The following IFT52 variants were observed in gnomAD, a reference collection of about 807,000 sequenced individuals.
The protein encoded by IFT52 is intraflagellar transport protein 52 homolog.
IFT52 carries 44 observed loss-of-function variants against 54.4 expected under a neutral mutation model. The ratio of observed to expected loss-of-function variants is 0.81; its 90% CI spans 0.63 to 1.04. IFT52 has a LOEUF of 1.04. IFT52 is among the 50% of genes least tolerant of loss of function. The pLI, the probability that IFT52 is intolerant of heterozygous loss-of-function variation, is 0.00. For synonymous variants in IFT52, 181 were observed against 185.3 expected, an observed-to-expected ratio of 0.98 and a Z score of 0.19; for missense variants, 452 against 523.6, an observed-to-expected ratio of 0.86 and a Z score of 1.33.
At chr20:43,599,029 C>T (rs1235437670) in intron 3 of IFT52, among the ~76,000 whole-genome samples, 1 of 152,038 alleles carries the variant, frequency 6.6e-6, no homozygotes, top group African/African-American at 2.4e-5. Context: ...TGACCTTCCC[C>T]CGCTGGGAAT....
chr20:43,604,796 T>C (rs1256280576), intron 5 of IFT52, among the ~76,000 whole-genome samples: 1 of 152,156 alleles, frequency 6.6e-6, no homozygotes, highest in Admixed American at 6.6e-5. Flanking sequence ...TTATTTTTTG[T>C]TTATATATAT....
intron 6 of IFT52, among the ~76,000 whole-genome samples, chr20:43,607,206 C>T (rs1407508428): frequency 1.3e-4 from 18 of 134,300 alleles, no homozygotes; most frequent in Admixed American, 3.6e-4. Flanking sequence ...GCTGGCCGGG[C>T]GGGGGGCTGA....
intron 3 of IFT52, among the ~76,000 whole-genome samples, chr20:43,602,347 A>C (rs1982530897): frequency 6.6e-6 from 1 of 151,762 alleles, no homozygotes; most frequent in Non-Finnish European, 1.5e-5. Flanking sequence ...TTTTTAGTAG[A>C]CACGGGGTTT....
chr20:43,593,913 A>G (rs1040963892), intron 1 of IFT52, among the ~76,000 whole-genome samples: 1 of 152,194 alleles, frequency 6.6e-6, no homozygotes, highest in Non-Finnish European at 1.5e-5. Context: ...ACTGACAAAG[A>G]AAGATGTCAA....
Position 43,623,942 on chromosome 20 carries a change from C to T in IFT52, c.820C>T (p.Arg274Ter), listed in dbSNP as rs757301165. ...CACAGCCACCCTATCAAAGCGGAAT[C>T]GAGAGTGTCTCCAGGAGAGTGATGA... ...PYTATLSKRN[R>*]ECLQESDEIP... The change falls in exon 10 of 14, where the codon CGA (arginine) becomes TGA (stop). Residue 274 changes from arginine to a stop codon, truncating the protein, a stop_gained. Coordinates refer to ENST00000373030, the MANE Select transcript of IFT52 (RefSeq NM_016004.5). LOFTEE classifies it high-confidence loss of function. 53 of 1,614,012 alleles carry T rather than the reference C, an allele frequency of 3.3e-5. No individual in the cohort carries two copies. The highest frequency in any genetic ancestry group is 8.9e-5 in the East Asian group (4 of 44,890).
In IFT52 at chr20:43,604,993, T is replaced by G. The variant is rs370552658; in HGVS notation, c.414-9T>G. On this transcript the variant is annotated splice_polypyrimidine_tract_variant and intron_variant, in intron 5 of 13. Transcript: ENST00000373030. ...TTTGTTTACTAGATTTTAATTTTTC[T>G]TCTTCAAGGGAAATTAGCCGAGCTG... The G allele has an allele frequency of 8.1e-6, 13 of 1,613,036 alleles. No individual in the cohort carries two copies. Among genetic ancestry groups the G allele is most frequent in the Admixed American group, 1.7e-5 (1 of 59,966 alleles).
chr20:43,633,292 G>A (rs1319418219), intron 10 of IFT52, among the ~76,000 whole-genome samples: 4 of 152,016 alleles, frequency 2.6e-5, no homozygotes, highest in Non-Finnish European at 4.4e-5. Flanking sequence ...GCGGTGAGCC[G>A]AGATCATGCC....
In IFT52 at chr20:43,646,063, T is replaced by G. The variant is rs571427674; in HGVS notation, c.1267-873T>G. On this transcript the variant is annotated intron_variant, in intron 13 of 13. Coordinates refer to ENST00000373030, the MANE Select transcript of IFT52 (RefSeq NM_016004.5). The stretch of plus-strand genomic sequence containing the variant: ...CTCCACTACAAATACAAAAAAAAAT[T>G]AGCCGCGCGTGGTGGCGGGCACCTG... Among the ~76,000 whole-genome samples the G allele has an allele frequency of 1.6e-4, 25 of 151,518 alleles. No individual in the cohort carries two copies. The South Asian group carries it at 3.1e-3, about 19-fold the overall frequency.
chr20:43,638,148 T>G (rs1022357162), intron 12 of IFT52, among the ~76,000 whole-genome samples: 37 of 152,104 alleles, frequency 2.4e-4, no homozygotes, highest in Non-Finnish European at 4.4e-4. Flanking sequence ...CCATCCACTT[T>G]GAGGCAGTGA....
chr20:43,620,201 C>T (rs1169617814), intron 8 of IFT52, among the ~76,000 whole-genome samples: 2 of 151,948 alleles, frequency 1.3e-5, no homozygotes, highest in Admixed American at 6.6e-5. Flanking sequence ...ACAGCTTGAG[C>T]CACCACTCCC....
At chr20:43,631,204 G>A (rs1164048324) in intron 10 of IFT52, among the ~76,000 whole-genome samples, 2 of 152,162 alleles carry the variant, frequency 1.3e-5, no homozygotes, top group Non-Finnish European at 2.9e-5. Context: ...CTGTACCTCA[G>A]TTTCTTCTAT....
chr20:43,639,172 A>T (rs775940638), intron 12 of IFT52, among the ~76,000 whole-genome samples: 1 of 151,278 alleles, frequency 6.6e-6, no homozygotes. Context: ...TGGTCCATCC[A>T]TCATTAGGGG....
intron 13 of IFT52, among the ~76,000 whole-genome samples, chr20:43,646,041 C>T (rs2145685604): frequency 6.6e-6 from 1 of 151,390 alleles, no homozygotes; most frequent in South Asian, 2.1e-4. Flanking sequence ...ACCCCGTCTC[C>T]ACTACAAATA....
chr20:43,596,338 C>T (rs1031909396), intron 2 of IFT52, 97 bp from the exon 3 acceptor site: 3 of 721,714 alleles, frequency 4.2e-6, no homozygotes, highest in Admixed American at 5.4e-5. Context: ...CTCTGAGCCT[C>T]TGTGGCCTCT....
At chr20:43,605,250 TA>T in intron 6 of IFT52, 177 bp downstream of exon 6, 5 of 1,378,268 alleles carry the variant, frequency 3.6e-6, no homozygotes, top group Non-Finnish European at 4.7e-6. Context: ...AAGGTAGTCT[TA>T]ATATAGTATT....
chr20:43,598,497 C>A (rs1982174621), intron 3 of IFT52, among the ~76,000 whole-genome samples: 1 of 152,044 alleles, frequency 6.6e-6, no homozygotes, highest in South Asian at 2.1e-4. Context: ...GAGTTTGAGA[C>A]CAGCTTGGCC....
intron 1 of IFT52, among the ~76,000 whole-genome samples, chr20:43,593,260 G>A (rs906505351): frequency 6.6e-6 from 1 of 152,206 alleles, no homozygotes. Context: ...AAACAGTAAT[G>A]AGGGGGGTTT....
At chr20:43,599,687 G>C (rs1982270119) in intron 3 of IFT52, among the ~76,000 whole-genome samples, 1 of 152,056 alleles carries the variant, frequency 6.6e-6, no homozygotes, top group Non-Finnish European at 1.5e-5. Context: ...TTTTCATGTT[G>C]ACTTCCAGAA....
At chr20:43,632,619 G>A (rs551004805) in intron 10 of IFT52, among the ~76,000 whole-genome samples, 1 of 152,246 alleles carries the variant, frequency 6.6e-6, no homozygotes, top group South Asian at 2.1e-4. Flanking sequence ...CCCCTACAAT[G>A]TAAGTTCCGT....
Sources: gnomAD v4.1 joint callset for allele counts (sites outside exome capture counted in the v4.1 genomes callset) on GRCh38, gnomAD v4.1.1 for gene constraint, MANE v1.5 for transcripts, NCBI Gene and HGNC (gene_info 2026-07-23, HGNC 2026-07-21) for gene names.